Variants in CLIC5 observed in about 807,000 individuals in gnomAD.
CLIC5 encodes the protein CLIC family member 5, also known as chloride intracellular channel protein 5.
A neutral mutation model predicts 24.7 loss-of-function variants in CLIC5; 20 were observed. That is an observed-to-expected ratio of 0.81 (90% CI 0.57 to 1.18). CLIC5 has a LOEUF of 1.18. Ranked by LOEUF, CLIC5 falls within the 50% of genes most tolerant of loss-of-function variation. The pLI, the probability that CLIC5 is intolerant of heterozygous loss-of-function variation, is 0.00. For synonymous variants in CLIC5, 159 were observed against 135.6 expected (o/e 1.17, Z -1.20); for missense variants, 341 against 326.1 (o/e 1.05, Z -0.35).
At chr6:46,113,019 G>A in the CLIC5 span, among the ~76,000 whole-genome samples, 4 of 152,184 alleles carry the variant, frequency 2.6e-5, no homozygotes, top group African/African-American at 9.7e-5. Flanking sequence ...TGATGCCACT[G>A]CATTCCAGCC....
At chr6:45,940,713 A>C (rs954381594) in intron 4 of CLIC5, among the ~76,000 whole-genome samples, 1 of 152,204 alleles carries the variant, frequency 6.6e-6, no homozygotes, top group African/African-American at 2.4e-5. Context: ...TCTGAGGGCA[A>C]GGGAATGGCT....
intron 6 of CLIC5, among the ~76,000 whole-genome samples, chr6:45,892,742 T>A (rs1460493139): frequency 6.6e-6 from 1 of 152,222 alleles, no homozygotes; most frequent in Non-Finnish European, 1.5e-5. Context: ...AAAATGTCCA[T>A]GTTGTCTTTC....
chr6:46,088,791 C>T, the CLIC5 span, among the ~76,000 whole-genome samples: 1 of 152,120 alleles, frequency 6.6e-6, no homozygotes, highest in Non-Finnish European at 1.5e-5. Flanking sequence ...AGATATCTTT[C>T]TTTATTTTTG....
intron 1 of CLIC5, among the ~76,000 whole-genome samples, chr6:45,958,441 T>TATACACACACACACACACACACACAC (rs1554151284): frequency 3.3e-4 from 6 of 17,944 alleles, no homozygotes; most frequent in African/African-American, 1.1e-3. Context: ...TATATATATA[T>TATACACACACACACACACACACACAC]ATATATATAT....
intron 2 of CLIC5, among the ~76,000 whole-genome samples, chr6:45,952,219 G>A (rs1374450498): frequency 2.0e-5 from 3 of 152,150 alleles, no homozygotes; most frequent in South Asian, 2.1e-4. Context: ...TATGGCCACC[G>A]ACGCTTAGCT....
At chr6:45,941,424 A>T in intron 4 of CLIC5, 123 bp downstream of exon 4, 1 of 766,154 alleles carries the variant, frequency 1.3e-6, no homozygotes, top group East Asian at 2.5e-5. Context: ...GCAAATAATA[A>T]GCAGTATTGG....
chr6:46,100,044 G>T, the CLIC5 span, among the ~76,000 whole-genome samples: 1 of 151,622 alleles, frequency 6.6e-6, no homozygotes, highest in African/African-American at 2.4e-5. Context: ...TTGCCAACCA[G>T]TTTTCTTCTC....
intron 1 of CLIC5, among the ~76,000 whole-genome samples, chr6:46,072,779 C>T (rs760746916): frequency 4.8e-4 from 73 of 152,290 alleles, no homozygotes; most frequent in Non-Finnish European, 7.3e-4. Context: ...ACCCCTCCCA[C>T]ATGGGCACAC....
intron 1 of CLIC5, among the ~76,000 whole-genome samples, chr6:45,962,752 G>T (rs571223769): frequency 3.0e-4 from 46 of 152,294 alleles, no homozygotes; most frequent in African/African-American, 1.1e-3. Context: ...CGGGCTCCTT[G>T]GTTTACGCCT....
chr6:45,987,444 T>C (rs1181874978), intron 1 of CLIC5, among the ~76,000 whole-genome samples: 2 of 152,226 alleles, frequency 1.3e-5, no homozygotes, highest in African/African-American at 4.8e-5. Context: ...AAGTGTTTAT[T>C]GTTTTGTTAG....
At chr6:45,890,096 T>A (rs930457026) in intron 6 of CLIC5, among the ~76,000 whole-genome samples, 1 of 152,244 alleles carries the variant, frequency 6.6e-6, no homozygotes, top group African/African-American at 2.4e-5. Flanking sequence ...AGTTTCTTGT[T>A]ACTGAGTAGT....
At chr6:45,889,527 G>A (rs1299638975) in intron 6 of CLIC5, among the ~76,000 whole-genome samples, 1 of 152,132 alleles carries the variant, frequency 6.6e-6, no homozygotes, top group Admixed American at 6.5e-5. Flanking sequence ...AGAAGGTGGG[G>A]CAGTAAGGGT....
rs547029629 is a variant in CLIC5, at chr6:45,981,999, AAAAAAAAAAAG to A, written c.64-26766_64-26756del. Among the ~76,000 whole-genome samples the A allele has an allele frequency of 4.2e-3, 634 of 149,182 alleles. 1 individual carries two copies. Among genetic ancestry groups the A allele is most frequent in the Middle Eastern group, 0.011 (3 of 284 alleles). On this transcript the variant is annotated intron_variant, in intron 1 of 5. Transcript: ENST00000339561. ...GGTGATAGAGGGAGACTCCATCTCA[AAAAAAAAAAAG>A]AAAAAAAGAAAGAAATATAGGGGAC...
chr6:45,936,196 C>CTT (rs60969238), intron 4 of CLIC5, among the ~76,000 whole-genome samples: 1,909 of 80,200 alleles, frequency 0.024, 20 homozygotes, highest in Non-Finnish European at 0.031. Context: ...CAACGGCTGA[C>CTT]TTTTTTTTTT....
At chr6:46,125,598 A>T in the CLIC5 span, among the ~76,000 whole-genome samples, 12 of 151,958 alleles carry the variant, frequency 7.9e-5, no homozygotes, top group African/African-American at 1.9e-4. Context: ...ATATATTTTT[A>T]AAAAGTTAAA....
At chr6:46,124,124 A>C in the CLIC5 span, among the ~76,000 whole-genome samples, 4 of 152,202 alleles carry the variant, frequency 2.6e-5, no homozygotes, top group East Asian at 7.7e-4. Flanking sequence ...CACATTGCCA[A>C]GTCAATCCTA....
At chr6:46,101,687 C>T in the CLIC5 span, among the ~76,000 whole-genome samples, 1 of 152,186 alleles carries the variant, frequency 6.6e-6, no homozygotes, top group Non-Finnish European at 1.5e-5. Flanking sequence ...TTACTTTTGG[C>T]TTGGTGACAT....
At chr6:46,084,746 T>C (rs992637474), upstream of CLIC5, among the ~76,000 whole-genome samples, 3 of 152,232 alleles carry the variant, frequency 2.0e-5, no homozygotes, top group African/African-American at 7.2e-5. Context: ...CTGACAATTA[T>C]GTGTCTTGGA....
chr6:46,003,883 C>T (rs1766446700), intron 1 of CLIC5, among the ~76,000 whole-genome samples: 1 of 152,162 alleles, frequency 6.6e-6, no homozygotes, highest in South Asian at 2.1e-4. Flanking sequence ...GGTCTGGAGT[C>T]CGGATCTCCA....
Sources: allele counts gnomAD v4.1 joint callset (sites outside exome capture counted in the v4.1 genomes callset), GRCh38; gene constraint gnomAD v4.1.1; transcripts MANE v1.5; gene names NCBI Gene and HGNC (gene_info 2026-07-23, HGNC 2026-07-21).